MAVS: variants seen among roughly 807,000 people sequenced by gnomAD.
MAVS encodes mitochondrial antiviral signaling protein.
In MAVS, 20 loss-of-function variants were observed where a neutral mutation model predicts 30.2. The ratio of observed to expected loss-of-function variants is 0.66; its 90% CI spans 0.47 to 0.96. The LOEUF (loss-of-function observed/expected upper bound fraction) is 0.96, where lower values mean the gene tolerates loss of function less well. MAVS is among the 40% of genes least tolerant of loss of function. The pLI is 0.00. For synonymous variants in MAVS, 278 were observed against 293.9 expected, an observed-to-expected ratio of 0.95 and a Z score of 0.55; for missense variants, 624 against 701.1, an observed-to-expected ratio of 0.89 and a Z score of 1.24.
chr20:3,851,617 G>C (rs1427514144), intron 1 of MAVS, among the ~76,000 whole-genome samples: 1 of 151,970 alleles, frequency 6.6e-6, no homozygotes, highest in South Asian at 2.1e-4. Flanking sequence ...AACTTGCCCA[G>C]GACACACAGT....
chr20:3,860,468 A>G (rs955475675), intron 3 of MAVS, among the ~76,000 whole-genome samples: 23 of 144,824 alleles, frequency 1.6e-4, no homozygotes, highest in Non-Finnish European at 3.0e-4. Flanking sequence ...TTCACTTCCC[A>G]GGTTCAAGCA....
rs1356986196 is a variant in MAVS, at chr20:3,865,874, G to A, written c.1350G>A (p.Gly450=). The A allele has an allele frequency of 1.2e-6, 2 of 1,614,062 alleles. No individual in the cohort carries two copies. Among genetic ancestry groups the A allele is most frequent in the Non-Finnish European group, 1.7e-6 (2 of 1,180,024 alleles). ...GTGCCAGCACCTCCTTGGGCATGGGGCCCTGCCATGGCCCAGAGGAGAATG... is the reference window on the plus strand; with the variant it reads ...GTGCCAGCACCTCCTTGGGCATGGGACCCTGCCATGGCCCAGAGGAGAATG... ...AISASTSLGM[G]PCHGPEENEY... The change falls in exon 7 of 7, where the codon GGG becomes GGA. Residue 450 remains glycine (G), a synonymous_variant. Coordinates refer to ENST00000428216, the MANE Select transcript of MAVS (RefSeq NM_020746.5). The surrounding 1 kb of genome is among the most constrained non-coding windows in gnomAD (Gnocchi z 4.7).
intron 2 of MAVS, among the ~76,000 whole-genome samples, chr20:3,855,125 G>T (rs1476180320): frequency 1.3e-5 from 2 of 152,048 alleles, no homozygotes; most frequent in Admixed American, 1.3e-4. Flanking sequence ...TCTTGACCTT[G>T]TGATCCGCCT....
intron 4 of MAVS, among the ~76,000 whole-genome samples, 187 bp downstream of exon 4, chr20:3,861,691 A>T (rs924930546): frequency 1.3e-5 from 2 of 151,976 alleles, no homozygotes; most frequent in African/African-American, 4.8e-5. Context: ...CCAGGTCTTC[A>T]CCCTGTGGCA....
rs2089966174 is a variant in MAVS at position 3,872,919 on chromosome 20, A to G, written c.*6772A>G. ...CCCACCCGATGAGCCCCCTCCCACC[A>G]CCCACCAGTACAGTAGGGGGTGGTT... On this transcript the variant is annotated 3_prime_UTR_variant, in exon 7 of 7. Transcript: ENST00000428216. The G allele has an allele frequency of 6.6e-6, 1 of 152,212 alleles. No homozygotes were observed. The highest frequency in any genetic ancestry group is 1.5e-5 in the Non-Finnish European group (1 of 68,014). 9.4% of individuals were successfully genotyped at this position (152,212 alleles called of 1,614,324 possible). A position where few individuals can be genotyped will look rare whatever the true frequency, so the allele number is the denominator to read the frequency against.
chr20:3,857,769 C>T lies in MAVS; in HGVS notation c.252C>T (p.Leu84=), dbSNP rs147840815. 2.9e-5 allele frequency: 47 copies of T among 1,614,094 alleles called. No individual in the cohort carries two copies. Among genetic ancestry groups the T allele is most frequent in the Non-Finnish European group, 3.6e-5 (42 of 1,180,048 alleles). Residue 84 remains leucine, a synonymous_variant, in exon 3 of 7, where the codon CTC becomes CTT. Coordinates refer to ENST00000428216, the MANE Select transcript of MAVS (RefSeq NM_020746.5). ...AALRGCELVD[L]ADEVASVYQS... is the part of the protein sequence containing the mutation. ...TGAGGGGCTGTGAGCTAGTTGATCTCGCGGACGAAGTGGCCTCTGTCTACC... is the reference window on the plus strand; with the variant it reads ...TGAGGGGCTGTGAGCTAGTTGATCTTGCGGACGAAGTGGCCTCTGTCTACC...
Position 3,872,704 on chromosome 20 carries a change from T to C in MAVS, c.*6557T>C, listed in dbSNP as rs2089964230. On this transcript the variant is annotated 3_prime_UTR_variant, in exon 7 of 7. Transcript: ENST00000428216. ...CATTGTTTATTAAAGGAGTTACCTA[T>C]GCCAGATCGAAGGCCTAAGATGATT... The C allele has an allele frequency of 6.6e-6, 1 of 152,402 alleles. No individual in the cohort carries two copies. Among genetic ancestry groups the C allele is most frequent in the Non-Finnish European group, 1.5e-5 (1 of 68,052 alleles). 9.4% of individuals were successfully genotyped at this position (152,402 alleles called of 1,614,324 possible).
In MAVS at chr20:3,865,931, C is replaced by A. The variant is rs140310972; in HGVS notation, c.1407C>A (p.His469Gln). The A allele has an allele frequency of 6.2e-7, 1 of 1,613,676 alleles. No individual in the cohort carries two copies. Among genetic ancestry groups the A allele is most frequent in the Non-Finnish European group, 8.5e-7 (1 of 1,179,888 alleles). ...EYKSEGTFGI[H>Q]VAENPSIQLL... ...AGTCCGAGGGCACCTTTGGGATCCACGTGGCTGAGAACCCCAGCATCCAGC... is the reference window on the plus strand; with the variant it reads ...AGTCCGAGGGCACCTTTGGGATCCAAGTGGCTGAGAACCCCAGCATCCAGC... The change falls in exon 7 of 7, where the codon CAC becomes CAA. Residue 469 changes from histidine (H) to glutamine (Q), a missense_variant. Coordinates refer to ENST00000428216, the MANE Select transcript of MAVS (RefSeq NM_020746.5). This position sits in a 1 kb window ranked among gnomAD's most constrained non-coding sequence, Gnocchi z 4.7.
At position 3,867,468 on chromosome 20, in the gene MAVS, C is replaced by G. The variant is rs1048642663; in HGVS notation, c.*1321C>G. The stretch of plus-strand genomic sequence containing the variant: ...AAAAAATTAGCCAGGCGTGGTGGTG[C>G]ACCTGTCGTCTTAGCTACTTGGGAG... On this transcript the variant is annotated 3_prime_UTR_variant, in exon 7 of 7. Coordinates refer to ENST00000428216, the MANE Select transcript of MAVS (RefSeq NM_020746.5). 3.3e-4 allele frequency: 58 copies of G among 177,174 alleles called. No individual in the cohort carries two copies. Among genetic ancestry groups the G allele is most frequent in the African/African-American group, 1.4e-3 (57 of 41,838 alleles). The allele number at this position is 177,174 out of a possible 1,614,324, so 11.0% of individuals were successfully genotyped here.
At chr20:3,857,536 G>C in intron 2 of MAVS, 99 bp from the exon 3 acceptor site, 1 of 1,421,402 alleles carries the variant, frequency 7.0e-7, no homozygotes, top group Non-Finnish European at 9.5e-7. Context: ...TGCCCTTGTG[G>C]CTTTCTTGGC....
rs1201029434 is a variant in MAVS, at chr20:3,849,204, TTGC to T, written c.-68+2303_-68+2305del. 2.6e-5 allele frequency among the ~76,000 whole-genome samples: 4 copies of T among 151,330 alleles called. No homozygotes were observed. The East Asian group carries it at 7.7e-4, about 29-fold the overall frequency. On this transcript the variant is annotated intron_variant, in intron 1 of 6. Transcript: ENST00000428216. ...ATCTCTGCCCCTTTCCCTAGCTTGC[TTGC>T]TTTTTTTTTTTTTTTTCCTATGATG...
chr20:3,866,929 C>T lies in MAVS; in HGVS notation c.*782C>T. The T allele has an allele frequency of 2.2e-6, 1 of 456,990 alleles. No individual in the cohort carries two copies. Among genetic ancestry groups the T allele is most frequent in the Non-Finnish European group, 4.4e-6 (1 of 226,980 alleles). 28.3% of individuals were successfully genotyped at this position (456,990 alleles called of 1,614,324 possible). A position where few individuals can be genotyped will look rare whatever the true frequency, so the allele number is the denominator to read the frequency against. On this transcript the variant is annotated 3_prime_UTR_variant, in exon 7 of 7. Transcript: ENST00000428216. The stretch of plus-strand genomic sequence containing the variant: ...GGTTTGGATTTCAGCTCCCTCACTT[C>T]CGGGGCTGTGTGGCTTTGGCAGATG...
intron 5 of MAVS, 87 bp from the exon 6 acceptor site, chr20:3,864,169 T>C (rs992292153): frequency 1.0e-5 from 14 of 1,400,634 alleles, no homozygotes; most frequent in Non-Finnish European, 1.1e-5. Flanking sequence ...GTAGGGACCA[T>C]GAGATCTGGG....
chr20:3,865,561 A>C lies in MAVS; in HGVS notation c.1159-122A>C. ...CAAGAAAAGGTGGCCTAGGGGCATT[A>C]TAGATTGGGAATTGAGGGGTTGGAG... On this transcript the variant is annotated intron_variant, in intron 6 of 6. Transcript: ENST00000428216. The surrounding 1 kb of genome is among the most constrained non-coding windows in gnomAD (Gnocchi z 4.7). The C allele has an allele frequency of 2.2e-6, 2 of 913,052 alleles. No individual in the cohort carries two copies. Among genetic ancestry groups the C allele is most frequent in the South Asian group, 1.8e-5 (1 of 57,132 alleles). 56.6% of individuals were successfully genotyped at this position (913,052 alleles called of 1,614,324 possible).
At position 3,859,924 on chromosome 20, in the gene MAVS, C is replaced by G. The variant is rs188992613; in HGVS notation, c.293-1408C>G. ...CTCCGCCTCCCGGGTTCACGCCATT[C>G]TCCTGCCTCAGCCTCCCGAGTAGCT... On this transcript the variant is annotated intron_variant, in intron 3 of 6. Transcript: ENST00000428216. Among the ~76,000 whole-genome samples the G allele has an allele frequency of 9.3e-3, 1,419 of 151,914 alleles. 24 individuals carry two copies. Among genetic ancestry groups the G allele is most frequent in the African/African-American group, 0.033 (1,348 of 41,446 alleles).
chr20:3,863,047 G>A (rs1324160340), intron 5 of MAVS, among the ~76,000 whole-genome samples: 1 of 152,222 alleles, frequency 6.6e-6, no homozygotes, highest in East Asian at 1.9e-4. Context: ...CAAAGGGACT[G>A]TAGGGAACAG....
intron 1 of MAVS, among the ~76,000 whole-genome samples, chr20:3,848,397 C>A (rs2089728819): frequency 6.6e-6 from 1 of 152,192 alleles, no homozygotes; most frequent in South Asian, 2.1e-4. Flanking sequence ...CCGCGCCCGG[C>A]CGAGAAAGGG....
In MAVS at chr20:3,869,573, TGA is replaced by T. The variant is rs1478827965; in HGVS notation, c.*3429_*3430del. On this transcript the variant is annotated 3_prime_UTR_variant, in exon 7 of 7. Coordinates refer to ENST00000428216, the MANE Select transcript of MAVS (RefSeq NM_020746.5). ...TCCCAAAGTGCTGGGATTACAGATGTGAGACACTGCACCCAAACCCCACCACT... is the reference window on the plus strand; with the variant it reads ...TCCCAAAGTGCTGGGATTACAGATGTGACACTGCACCCAAACCCCACCACT... 6.6e-6 allele frequency: 1 copy of T among 151,898 alleles called. No individual in the cohort carries two copies. Among genetic ancestry groups the T allele is most frequent in the Non-Finnish European group, 1.5e-5 (1 of 68,004 alleles). 9.4% of individuals were successfully genotyped at this position (151,898 alleles called of 1,614,324 possible). A position where few individuals can be genotyped will look rare whatever the true frequency, so the allele number is the denominator to read the frequency against.
chr20:3,868,477 TA>T lies in MAVS; in HGVS notation c.*2332del, dbSNP rs1227754469. On this transcript the variant is annotated 3_prime_UTR_variant, in exon 7 of 7. Transcript: ENST00000428216. ...GGGTGAAACCCCGTCTCTACAAAAA[TA>T]AGAAAATTAGCCAGGTGTAGTGGCA... 6.6e-6 allele frequency: 1 copy of T among 151,806 alleles called. No individual in the cohort carries two copies. Among genetic ancestry groups the T allele is most frequent in the Non-Finnish European group, 1.5e-5 (1 of 67,968 alleles). 9.4% of individuals were successfully genotyped at this position (151,806 alleles called of 1,614,324 possible).
Sources: gnomAD v4.1 joint callset for allele counts (sites outside exome capture counted in the v4.1 genomes callset) on GRCh38, gnomAD v4.1.1 for gene constraint, Gnocchi (gnomAD v3.1) non-coding constraint, MANE v1.5 for transcripts, NCBI Gene and HGNC (gene_info 2026-07-23, HGNC 2026-07-21) for gene names.